NALCN: variants seen among roughly 807,000 people sequenced by gnomAD.
NALCN encodes sodium leak channel, non-selective, also known as sodium leak channel NALCN.
A neutral mutation model predicts 225.3 loss-of-function variants in NALCN; 111 were observed. That is an observed-to-expected ratio of 0.49 (90% CI 0.42 to 0.58). The LOEUF is 0.58. NALCN is among the 20% of genes least tolerant of loss of function. NALCN has a pLI of 0.00. For synonymous variants in NALCN, 764 were observed against 769.0 expected (o/e 0.99, Z 0.11); for missense variants, 1,378 against 2,202.4 (o/e 0.63, Z 7.49).
intron 15 of NALCN, among the ~76,000 whole-genome samples, chr13:101,168,155 C>G (rs1241380496): frequency 6.6e-6 from 1 of 152,136 alleles, no homozygotes; most frequent in Non-Finnish European, 1.5e-5. Flanking sequence ...GCTGTGACTT[C>G]TCATACACAT....
At chr13:101,175,586 T>C (rs1208579369) in intron 15 of NALCN, among the ~76,000 whole-genome samples, 1 of 151,998 alleles carries the variant, frequency 6.6e-6, no homozygotes, top group East Asian at 1.9e-4. Context: ...TTGGGGAGGG[T>C]GATACAAGAA....
At chr13:101,363,414 A>G (rs1394273314) in intron 6 of NALCN, among the ~76,000 whole-genome samples, 1 of 152,156 alleles carries the variant, frequency 6.6e-6, no homozygotes, top group African/African-American at 2.4e-5. Context: ...AATGGAATAG[A>G]AAACCCAGAA....
At chr13:101,286,982 A>C (rs149203267) in intron 9 of NALCN, among the ~76,000 whole-genome samples, 100 of 152,152 alleles carry the variant, frequency 6.6e-4, no homozygotes, top group African/African-American at 2.3e-3. Context: ...TTCAATTCTT[A>C]TTTTAATGGT....
At chr13:101,336,032 G>T (rs1217888078) in intron 7 of NALCN, among the ~76,000 whole-genome samples, 1 of 151,940 alleles carries the variant, frequency 6.6e-6, no homozygotes, top group African/African-American at 2.4e-5. Context: ...AACATCAGAT[G>T]TAATAAGAGG....
chr13:101,311,343 A>G (rs2044337815), intron 7 of NALCN, among the ~76,000 whole-genome samples: 1 of 151,600 alleles, frequency 6.6e-6, no homozygotes. Context: ...CTAATTGAAT[A>G]CCCTTTATTT....
intron 13 of NALCN, among the ~76,000 whole-genome samples, chr13:101,218,425 A>G (rs760718450): frequency 6.6e-6 from 1 of 152,118 alleles, no homozygotes; most frequent in Non-Finnish European, 1.5e-5. Context: ...CTTCCCTTGT[A>G]TCTTACGGCT....
At chr13:101,278,515 T>C (rs1402012353) in intron 10 of NALCN, among the ~76,000 whole-genome samples, 2 of 126,254 alleles carry the variant, frequency 1.6e-5, no homozygotes, top group Non-Finnish European at 3.2e-5. Context: ...AGAGTGAGAC[T>C]CTGTCTCAAA....
rs1228616593 is a variant in NALCN, at chr13:101,089,752, TTCCATGGA to T, written c.3392_3399del (p.Ile1131AsnfsTer25). On this transcript the variant is annotated frameshift_variant and splice_region_variant, in exon 30 of 44. Transcript: ENST00000251127. LOFTEE classifies it high-confidence loss of function. This position sits in a 1 kb window ranked among gnomAD's most constrained non-coding sequence, Gnocchi z 4.7. ...AGGAATACAAAAACATGAATATAGATTCCATGGATCTGCATAAAGGAAAATATGGTTAT... is the reference window on the plus strand; with the variant it reads ...AGGAATACAAAAACATGAATATAGATTCTGCATAAAGGAAAATATGGTTAT... 1 of 1,613,988 alleles carries T rather than the reference TTCCATGGA, an allele frequency of 6.2e-7. No homozygotes were observed. The highest frequency in any genetic ancestry group is 1.1e-5 in the South Asian group (1 of 91,076).
At chr13:101,283,080 A>G (rs934937592) in intron 10 of NALCN, among the ~76,000 whole-genome samples, 1 of 152,350 alleles carries the variant, frequency 6.6e-6, no homozygotes, top group Admixed American at 6.5e-5. Context: ...ACTGAAAACC[A>G]AAAAGGCTAA....
intron 1 of NALCN, among the ~76,000 whole-genome samples, chr13:101,416,056 C>G (rs1259055613): frequency 3.3e-5 from 5 of 152,004 alleles, no homozygotes; most frequent in Non-Finnish European, 7.4e-5. Context: ...GAGGGCGCAT[C>G]GCGGCTCCCG....
At chr13:101,393,134 T>C (rs538012606) in intron 3 of NALCN, among the ~76,000 whole-genome samples, 3 of 152,200 alleles carry the variant, frequency 2.0e-5, no homozygotes, top group Non-Finnish European at 2.9e-5. Context: ...AAACGGCTGA[T>C]ACTTCTAACA....
intron 15 of NALCN, among the ~76,000 whole-genome samples, chr13:101,154,584 T>TA (rs2037812730): frequency 6.6e-6 from 1 of 152,208 alleles, no homozygotes; most frequent in South Asian, 2.1e-4. Flanking sequence ...GCTTTTCCCC[T>TA]ACTAGCATGA....
At position 101,345,737 on chromosome 13, in the gene NALCN, A is replaced by AATATATATATATATATATATATATAT. The variant is rs10560892; in HGVS notation, c.645-343_645-318dup. Among the ~76,000 whole-genome samples the AATATATATATATATATATATATATAT allele has an allele frequency of 1.4e-3, 118 of 86,626 alleles. 1 individual carries two copies. The highest frequency in any genetic ancestry group is 2.5e-3 in the East Asian group (5 of 2,008). 56.8% of individuals were successfully genotyped at this position (86,626 alleles called of 152,430 possible). A position where few individuals can be genotyped will look rare whatever the true frequency, so the allele number is the denominator to read the frequency against. On this transcript the variant is annotated intron_variant, in intron 6 of 43. Transcript: ENST00000251127. ...ATCTATCTAAGAGTACAGCAAAGAG[A>AATATATATATATATATATATATATAT]ATATATATATATATATATATATATA...
intron 7 of NALCN, among the ~76,000 whole-genome samples, chr13:101,323,790 T>G (rs950607552): frequency 6.6e-6 from 1 of 152,232 alleles, no homozygotes; most frequent in Admixed American, 6.5e-5. Flanking sequence ...TGTACTAACA[T>G]GTAAGTTATG....
intron 41 of NALCN, among the ~76,000 whole-genome samples, chr13:101,060,706 A>T (rs551959751): frequency 1.3e-5 from 2 of 152,270 alleles, no homozygotes; most frequent in East Asian, 3.9e-4. Context: ...GCAAGTTGTA[A>T]GAGGCAAAGA....
intron 13 of NALCN, among the ~76,000 whole-genome samples, chr13:101,212,084 C>T (rs1366438970): frequency 6.6e-6 from 1 of 152,174 alleles, no homozygotes; most frequent in Non-Finnish European, 1.5e-5. Flanking sequence ...CCCATTGCTA[C>T]TGCCATCCTT....
intron 27 of NALCN, among the ~76,000 whole-genome samples, chr13:101,096,586 T>C (rs2034516142): frequency 6.6e-6 from 1 of 152,074 alleles, no homozygotes; most frequent in South Asian, 2.1e-4. Context: ...GGGATGGGGG[T>C]AATAGTTAAG....
At position 101,393,542 on chromosome 13, in the gene NALCN, C is replaced by G. The variant is rs148785495; in HGVS notation, c.291+1641G>C. Reference sequence around the variant, plus strand: ...GAAAAGCTGAAACTTAGTGGACTTACAGAGACTTAAAGGAGACTTAAGAAA... The same window carrying G: ...GAAAAGCTGAAACTTAGTGGACTTAGAGAGACTTAAAGGAGACTTAAGAAA... On this transcript the variant is annotated intron_variant, in intron 3 of 43. Transcript: ENST00000251127. Among the ~76,000 whole-genome samples, 399 of 152,230 alleles carry G rather than the reference C, an allele frequency of 2.6e-3. 2 individuals carry two copies. The highest frequency in any genetic ancestry group is 9.1e-3 in the African/African-American group (380 of 41,540).
At chr13:101,272,632 GA>G (rs1301027454) in intron 10 of NALCN, among the ~76,000 whole-genome samples, 1 of 152,136 alleles carries the variant, frequency 6.6e-6, no homozygotes, top group African/African-American at 2.4e-5. Context: ...TGACAGAATT[GA>G]AGAAGGATCA....
Sources: allele counts gnomAD v4.1 joint callset (sites outside exome capture counted in the v4.1 genomes callset), GRCh38; gene constraint gnomAD v4.1.1; non-coding constraint Gnocchi (gnomAD v3.1); transcripts MANE v1.5; gene names NCBI Gene and HGNC (gene_info 2026-07-23, HGNC 2026-07-21).